DMXL1: variants seen among roughly 807,000 people sequenced by gnomAD.
The protein encoded by DMXL1 is Dmx like 1.
A neutral mutation model predicts 319.2 loss-of-function variants in DMXL1; 99 were observed. The ratio of observed to expected loss-of-function variants is 0.31; its 90% CI spans 0.26 to 0.37. DMXL1 has a LOEUF of 0.37. Among genes scored for constraint, DMXL1 ranks in the 10% least tolerant of loss-of-function variants. The probability of loss-of-function intolerance (pLI) is 1.00; values close to 1 mark genes in which losing one functional copy is unlikely to be tolerated. For synonymous variants in DMXL1, 1,385 were observed against 1,235.2 expected (o/e 1.12, Z -2.54); for missense variants, 3,745 against 3,595.6 (o/e 1.04, Z -1.06).
chr5:119,113,121 T>C (rs1009773131), intron 5 of DMXL1, among the ~76,000 whole-genome samples: 1 of 152,232 alleles, frequency 6.6e-6, no homozygotes, highest in African/African-American at 2.4e-5. Context: ...AATCATTGTA[T>C]GTATATATAT....
rs1380895569 is a variant in DMXL1, at chr5:119,071,373, C to G, written c.-197C>G. The G allele has an allele frequency of 3.5e-6, 2 of 563,548 alleles. No individual in the cohort carries two copies. The highest frequency in any genetic ancestry group is 6.2e-6 in the Non-Finnish European group (2 of 324,380). The allele number at this position is 563,548 out of a possible 1,614,324, so 34.9% of individuals were successfully genotyped here. On this transcript the variant is annotated 5_prime_UTR_variant, in exon 1 of 44. Coordinates refer to ENST00000539542, the MANE Select transcript of DMXL1 (RefSeq NM_001290321.3). ...GCTCCGCCCTCTCGCCGACCCGCCC[C>G]CTCCGGGCCTCGCCCTCCGGGGCTC...
At chr5:119,215,206 A>G (rs1783467100) in intron 34 of DMXL1, among the ~76,000 whole-genome samples, 1 of 152,130 alleles carries the variant, frequency 6.6e-6, no homozygotes, top group African/African-American at 2.4e-5. Flanking sequence ...GACTCTTTAT[A>G]TCTGGCAACT....
chr5:119,134,188 C>T lies in DMXL1; in HGVS notation c.2254+10C>T. Reference sequence around the variant, plus strand: ...CCCAGTTATTGTCTGGGTAAGTATTCTGGTTTTTATTACAGTAATTTAGAT... The same window carrying T: ...CCCAGTTATTGTCTGGGTAAGTATTTTGGTTTTTATTACAGTAATTTAGAT... On this transcript the variant is annotated intron_variant, in intron 12 of 43. Transcript: ENST00000539542. 6.2e-7 allele frequency: 1 copy of T among 1,608,652 alleles called. No individual in the cohort carries two copies. The highest frequency in any genetic ancestry group is 8.5e-7 in the Non-Finnish European group (1 of 1,177,992).
chr5:119,163,122 T>C (rs1032103263), intron 19 of DMXL1, among the ~76,000 whole-genome samples: 5 of 152,220 alleles, frequency 3.3e-5, no homozygotes, highest in African/African-American at 1.2e-4. Flanking sequence ...AAATATCTTA[T>C]TAATATGGTG....
chr5:119,233,491 T>C (rs1787159390), intron 39 of DMXL1, 24 bp downstream of exon 39: 2 of 1,594,812 alleles, frequency 1.3e-6, no homozygotes, highest in Non-Finnish European at 1.7e-6. Flanking sequence ...ATGTAAATGG[T>C]AAAAAATTTA....
intron 33 of DMXL1, 78 bp from the exon 34 acceptor site, chr5:119,206,756 A>G: frequency 1.2e-6 from 1 of 863,418 alleles, no homozygotes; most frequent in Admixed American, 2.8e-5. Context: ...AAAATATAGC[A>G]TTGAAACAAT....
chr5:119,242,273 A>G (rs1429343248), intron 42 of DMXL1, among the ~76,000 whole-genome samples: 1 of 152,222 alleles, frequency 6.6e-6, no homozygotes. Flanking sequence ...ATTTCAAACC[A>G]GTGTTGTTGA....
chr5:119,137,033 A>G (rs747548723), intron 13 of DMXL1, among the ~76,000 whole-genome samples: 45 of 152,372 alleles, frequency 3.0e-4, no homozygotes, highest in Non-Finnish European at 5.6e-4. Flanking sequence ...TGTGCCTGGA[A>G]AAGCCATAAG....
At position 119,105,255 on chromosome 5, in the gene DMXL1, A is replaced by G; in HGVS notation, c.361A>G (p.Thr121Ala). 1 of 1,610,618 alleles carries G rather than the reference A, an allele frequency of 6.2e-7. No individual in the cohort carries two copies. The highest frequency in any genetic ancestry group is 1.7e-5 in the Admixed American group (1 of 59,912). ...AGCACACAATATAACCTGGGATCCC[A>G]CAGGTAAGAAAATAAGCAGGATTAA... The part of the protein sequence containing the change: ...SIAHNITWDP[T>A]GSRLLTGSSY... Residue 121 changes from threonine (T) to alanine (A), a missense_variant, in exon 4 of 44, where the codon ACA becomes GCA. Around this residue, in one of 4 missense-constraint regions of DMXL1, gnomAD observed 2,096 missense variants for 1,985.4 expected, o/e 1.06. Coordinates refer to ENST00000539542, the MANE Select transcript of DMXL1 (RefSeq NM_001290321.3).
intron 38 of DMXL1, among the ~76,000 whole-genome samples, chr5:119,225,666 A>G (rs1000028711): frequency 9.9e-5 from 15 of 152,114 alleles, no homozygotes; most frequent in South Asian, 2.1e-4. Flanking sequence ...CAAATAATCT[A>G]TTATCAAAGT....
chr5:119,246,643 T>G lies in DMXL1; in HGVS notation c.8923-352T>G, dbSNP rs1158969450. Among the ~76,000 whole-genome samples, 345 of 147,850 alleles carry G rather than the reference T, an allele frequency of 2.3e-3. 1 individual carries two copies. The highest frequency in any genetic ancestry group is 8.2e-3 in the African/African-American group (332 of 40,408). On this transcript the variant is annotated intron_variant, in intron 43 of 43. Transcript: ENST00000539542. Reference sequence around the variant, plus strand: ...TCTTTTCTTTTCCTTTTTTTTTTTTTTTTTTTTGAGATGGAGTTTCACTCT... The same window carrying G: ...TCTTTTCTTTTCCTTTTTTTTTTTTGTTTTTTTGAGATGGAGTTTCACTCT...
chr5:119,237,216 C>T (rs990182325), intron 39 of DMXL1, 106 bp from the exon 40 acceptor site: 15 of 572,066 alleles, frequency 2.6e-5, no homozygotes, highest in Non-Finnish European at 4.2e-5. Flanking sequence ...ACATGACATA[C>T]AGTCAAATGT....
intron 38 of DMXL1, among the ~76,000 whole-genome samples, chr5:119,230,443 A>G (rs138134857): frequency 7.2e-5 from 11 of 152,364 alleles, no homozygotes; most frequent in Admixed American, 1.3e-4. Flanking sequence ...AATTTTGACA[A>G]TACCATCTGG....
At chr5:119,232,191 T>G (rs1298060108) in intron 38 of DMXL1, among the ~76,000 whole-genome samples, 1 of 152,100 alleles carries the variant, frequency 6.6e-6, no homozygotes, top group Non-Finnish European at 1.5e-5. Context: ...GTTGAGCGAT[T>G]TTAGTGCAAC....
At chr5:119,219,022 A>G (rs763788814) in intron 35 of DMXL1, among the ~76,000 whole-genome samples, 1 of 152,168 alleles carries the variant, frequency 6.6e-6, no homozygotes, top group Non-Finnish European at 1.5e-5. Flanking sequence ...GATCCATTAA[A>G]CATTTTAGTG....
chr5:119,113,619 TAGAG>T (rs1403758722), intron 5 of DMXL1, among the ~76,000 whole-genome samples: 3 of 152,224 alleles, frequency 2.0e-5, no homozygotes, highest in South Asian at 2.1e-4. Flanking sequence ...CTGCAGAAAG[TAGAG>T]AGAGTGGAGA....
chr5:119,177,947 A>T, intron 27 of DMXL1, 49 bp from the exon 28 acceptor site: 1 of 1,483,432 alleles, frequency 6.7e-7, no homozygotes, highest in Non-Finnish European at 8.9e-7. Flanking sequence ...AATTTTTAAA[A>T]TTTTAAAAAT....
In DMXL1 at chr5:119,133,050, G is replaced by T. The variant is rs1271588091; in HGVS notation, c.1316-82G>T. The T allele has an allele frequency of 2.7e-6, 4 of 1,492,202 alleles. No individual in the cohort carries two copies. In the South Asian group the frequency reaches 3.9e-5, roughly 15 times the overall value. The allele number at this position is 1,492,202 out of a possible 1,614,324, so 92.4% of individuals were successfully genotyped here. A position where few individuals can be genotyped will look rare whatever the true frequency, so the allele number is the denominator to read the frequency against. On this transcript the variant is annotated intron_variant, in intron 10 of 43. Transcript: ENST00000539542. ...TAGGCATGAGATCTCCATGTGTTCAGCTATCCAGAAGCTCGGTAATTCTTA... is the reference window on the plus strand; with the variant it reads ...TAGGCATGAGATCTCCATGTGTTCATCTATCCAGAAGCTCGGTAATTCTTA...
At chr5:119,209,854 A>G (rs1429599163) in intron 34 of DMXL1, among the ~76,000 whole-genome samples, 1 of 152,132 alleles carries the variant, frequency 6.6e-6, no homozygotes, top group Non-Finnish European at 1.5e-5. Context: ...TCTTGATTCA[A>G]TTTTAACAGT....
Sources: gnomAD v4.1 joint callset for allele counts (sites outside exome capture counted in the v4.1 genomes callset) on GRCh38, gnomAD v4.1.1 for gene constraint, gnomAD v4.1.1 regional missense constraint, MANE v1.5 for transcripts, NCBI Gene and HGNC (gene_info 2026-07-23, HGNC 2026-07-21) for gene names.